Variants in CROT observed in about 807,000 individuals in gnomAD.
CROT encodes the protein carnitine O-octanoyltransferase.
Under a neutral mutation model 89.2 loss-of-function variants are expected in CROT, and 84 were observed. That is an observed-to-expected ratio of 0.94 (90% CI 0.79 to 1.13). CROT has a LOEUF of 1.13. Among genes scored for constraint, CROT ranks in the 50% most tolerant of loss-of-function variants. CROT has a pLI of 0.00. For missense variants in CROT, 711 were observed against 727.8 expected (o/e 0.98, Z 0.27); for synonymous variants, 212 against 239.5 (o/e 0.89, Z 1.06).
At chr7:87,382,299 C>A in intron 12 of CROT, 114 bp from the exon 13 acceptor site, 1 of 1,425,326 alleles carries the variant, frequency 7.0e-7, no homozygotes, top group Non-Finnish European at 9.7e-7. Flanking sequence ...ATGCCTTTAA[C>A]ACCTTTAATT....
At chr7:87,359,700 A>G (rs1806213314) in intron 4 of CROT, 1 of 1,027,524 alleles carries the variant, frequency 9.7e-7, no homozygotes. Flanking sequence ...GACATGTCAC[A>G]TAGGTGGCAT....
At chr7:87,362,026 G>A (rs78503736) in intron 6 of CROT, among the ~76,000 whole-genome samples, 174 bp downstream of exon 6, 2,125 of 152,146 alleles carry the variant, frequency 0.014, 49 homozygotes, top group African/African-American at 0.049. Context: ...TTATGGGAAC[G>A]GATTTTCTAA....
At position 87,361,366 on chromosome 7, in the gene CROT, G is replaced by A. The variant is rs371152487; in HGVS notation, c.241-24G>A. On this transcript the variant is annotated intron_variant, in intron 4 of 17. Coordinates refer to ENST00000331536, the MANE Select transcript of CROT (RefSeq NM_021151.4). ...ATTCATGTATTATGAAGAACATTAA[G>A]CTGATGTTCTCAATTTCTTTTAGCT... 6 of 1,600,384 alleles carry A rather than the reference G, an allele frequency of 3.7e-6. No individual in the cohort carries two copies. The African/African-American group carries it at 6.7e-5, about 18-fold the overall frequency.
intron 3 of CROT, among the ~76,000 whole-genome samples, chr7:87,352,257 G>A (rs976078376): frequency 1.2e-4 from 18 of 151,876 alleles, no homozygotes; most frequent in Admixed American, 1.1e-3. Context: ...TTTTGTTAAG[G>A]TATGCCATCA....
At chr7:87,374,114 A>C (rs802060) in intron 7 of CROT, among the ~76,000 whole-genome samples, 3,226 of 152,194 alleles carry the variant, frequency 0.021, 120 homozygotes, top group African/African-American at 0.072. Flanking sequence ...ATATTTAAAA[A>C]AATATATGAT....
rs576451533 is a variant in CROT, at chr7:87,389,899, A to AT, written c.1302-1680dup. Among the ~76,000 whole-genome samples the AT allele has an allele frequency of 7.1e-3, 1,063 of 149,614 alleles. 11 individuals carry two copies. The highest frequency in any genetic ancestry group is 0.011 in the African/African-American group (464 of 40,982). ...GCTGGCATTGGAAATTTCACGCGGT[A>AT]TTTTTTTTTTATATAGAAGATATGT... On this transcript the variant is annotated intron_variant, in intron 13 of 17. Coordinates refer to ENST00000331536, the MANE Select transcript of CROT (RefSeq NM_021151.4).
At position 87,366,406 on chromosome 7, in the gene CROT, C is replaced by T. The variant is rs534285013; in HGVS notation, c.548-2970C>T. On this transcript the variant is annotated intron_variant, in intron 6 of 17. Transcript: ENST00000331536. ...TATCACCACTACATTGTTGCAGTGACTTTCCTCCTGCCCATTCCCCTTCAT... is the reference window on the plus strand; with the variant it reads ...TATCACCACTACATTGTTGCAGTGATTTTCCTCCTGCCCATTCCCCTTCAT... Among the ~76,000 whole-genome samples the T allele has an allele frequency of 2.0e-5, 3 of 152,214 alleles. No individual in the cohort carries two copies. In the East Asian group the frequency reaches 5.8e-4, roughly 29 times the overall value.
chr7:87,397,350 CAA>C, intron 17 of CROT, among the ~76,000 whole-genome samples: 1 of 146,198 alleles, frequency 6.8e-6, no homozygotes, highest in African/African-American at 2.5e-5. Context: ...GACTCTTTCT[CAA>C]AAAAAAAAAA....
chr7:87,373,575 G>A (rs1806708926), intron 7 of CROT, among the ~76,000 whole-genome samples: 2 of 152,070 alleles, frequency 1.3e-5, no homozygotes, highest in Admixed American at 1.3e-4. Context: ...GGGAGATAAT[G>A]TTTAAATATA....
intron 3 of CROT, chr7:87,357,573 C>T (rs927961482): frequency 9.9e-6 from 13 of 1,312,366 alleles, no homozygotes; most frequent in African/African-American, 2.9e-5. Flanking sequence ...TTGGATCTCA[C>T]GCGGGAAGGA....
chr7:87,358,354 C>T (rs1278786895), intron 3 of CROT, among the ~76,000 whole-genome samples: 13 of 150,238 alleles, frequency 8.7e-5, no homozygotes, highest in Admixed American at 6.0e-4. Context: ...TGGTGGCGGG[C>T]GCCTGTATTC....
At chr7:87,378,389 T>C (rs1470913622) in intron 10 of CROT, among the ~76,000 whole-genome samples, 1 of 151,200 alleles carries the variant, frequency 6.6e-6, no homozygotes, top group African/African-American at 2.4e-5. Context: ...TTAATCCATA[T>C]TCAGGTTTAG....
chr7:87,373,099 C>T (rs1806692829), intron 7 of CROT, among the ~76,000 whole-genome samples: 1 of 152,096 alleles, frequency 6.6e-6, no homozygotes, highest in South Asian at 2.1e-4. Context: ...AGTTTCTCCA[C>T]ATCTTCACCA....
At chr7:87,348,195 ATATAT>A (rs1244789986) in intron 2 of CROT, among the ~76,000 whole-genome samples, 10 of 151,792 alleles carry the variant, frequency 6.6e-5, no homozygotes, top group African/African-American at 2.4e-4. Flanking sequence ...ATTACATTTA[ATATAT>A]TACATTATTT....
chr7:87,350,396 T>C (rs920066613), intron 3 of CROT, among the ~76,000 whole-genome samples: 2 of 152,180 alleles, frequency 1.3e-5, no homozygotes, highest in African/African-American at 4.8e-5. Context: ...ATGAGTGTCA[T>C]TGAAAGCCGC....
intron 6 of CROT, among the ~76,000 whole-genome samples, chr7:87,366,553 C>T (rs556398047): frequency 1.8e-4 from 28 of 152,268 alleles, no homozygotes; most frequent in Non-Finnish European, 1.5e-5. Flanking sequence ...CAGTTTATAG[C>T]TCTAGGAAAC....
At chr7:87,382,273 A>G (rs1266546996) in intron 12 of CROT, 92 bp downstream of exon 12, 2 of 1,401,038 alleles carry the variant, frequency 1.4e-6, no homozygotes, top group East Asian at 2.3e-5. Flanking sequence ...ATGTCTGCAC[A>G]AAACATTTTA....
chr7:87,354,455 C>T (rs1805994694), intron 3 of CROT: 1 of 504,160 alleles, frequency 2.0e-6, no homozygotes, highest in South Asian at 1.4e-5. Context: ...GATTACCTCA[C>T]TCTTAGGAAC....
rs550339785 is a variant in CROT at position 87,370,329 on chromosome 7, C to T, written c.656+845C>T. Among the ~76,000 whole-genome samples, 11 of 152,104 alleles carry T rather than the reference C, an allele frequency of 7.2e-5. No homozygotes were observed. The South Asian group carries it at 1.2e-3, about 17-fold the overall frequency. ...TCCCAAGTAGCTAGGATTATAGGTG[C>T]GCACCACCATGGCCAGCTAATTATT... On this transcript the variant is annotated intron_variant, in intron 7 of 17. Coordinates refer to ENST00000331536, the MANE Select transcript of CROT (RefSeq NM_021151.4).
Sources: allele counts gnomAD v4.1 joint callset (sites outside exome capture counted in the v4.1 genomes callset), GRCh38; gene constraint gnomAD v4.1.1; transcripts MANE v1.5; gene names NCBI Gene and HGNC (gene_info 2026-07-23, HGNC 2026-07-21).